SASH1: variants seen among roughly 807,000 people sequenced by gnomAD.
SASH1 encodes SAM and SH3 domain containing 1, also known as SAM and SH3 domain-containing protein 1.
Under a neutral mutation model 125.2 loss-of-function variants are expected in SASH1, and 44 were observed. That is an observed-to-expected ratio of 0.35 (90% confidence interval 0.28 to 0.45). The LOEUF (loss-of-function observed/expected upper bound fraction) is 0.45. SASH1 is among the 20% of genes least tolerant of loss of function. SASH1 has a pLI of 1.00. For synonymous variants in SASH1, 639 were observed against 649.1 expected, an observed-to-expected ratio of 0.98 and a Z score of 0.24; for missense variants, 1,426 against 1,614.5, an observed-to-expected ratio of 0.88 and a Z score of 2.00.
At position 148,543,685 on chromosome 6, in the gene SASH1, A is replaced by G; in HGVS notation, c.2215A>G (p.Thr739Ala). 1 of 1,529,668 alleles carries G rather than the reference A, an allele frequency of 6.5e-7. No homozygotes were observed. Among genetic ancestry groups the G allele is most frequent in the Non-Finnish European group, 8.8e-7 (1 of 1,139,652 alleles). 94.8% of individuals were successfully genotyped at this position (1,529,668 alleles called of 1,614,324 possible). The change falls in exon 18 of 20, where the codon ACT becomes GCT. Residue 739 changes from threonine (T) to alanine (A), a missense_variant. Physicochemically the swap from Thr to Ala is moderately conservative, Grantham distance 58. Coordinates refer to ENST00000367467, the MANE Select transcript of SASH1 (RefSeq NM_015278.5). ...ESSENLENGK[T>A]RKASLLSAKS... ...AATATTCCCTTGTCTCACAGGCAAG[A>G]CTCGGAAAGCTAGCCTCCTATCTGC... is the stretch of plus-strand genomic sequence containing the variant.
intron 1 of SASH1, among the ~76,000 whole-genome samples, chr6:148,351,437 T>G (rs887620388): frequency 1.3e-5 from 2 of 152,124 alleles, no homozygotes; most frequent in Non-Finnish European, 2.9e-5. Flanking sequence ...ATTCACTATT[T>G]GCTAGATTCC....
intron 1 of SASH1, among the ~76,000 whole-genome samples, chr6:148,297,345 A>G (rs1028848057): frequency 1.3e-5 from 2 of 152,238 alleles, no homozygotes; most frequent in Admixed American, 6.5e-5. Flanking sequence ...GTATAAAGAC[A>G]GTGACAGGTT....
chr6:148,447,645 C>T (rs1168132791), intron 4 of SASH1, among the ~76,000 whole-genome samples: 1 of 151,656 alleles, frequency 6.6e-6, no homozygotes, highest in Non-Finnish European at 1.5e-5. Context: ...TCCTCCTCCT[C>T]CTTTTCCTCC....
intron 16 of SASH1, among the ~76,000 whole-genome samples, chr6:148,537,795 T>C (rs1781945046): frequency 1.8e-5 from 2 of 109,578 alleles, no homozygotes; most frequent in Admixed American, 1.8e-4. Context: ...TGTGTGTGTG[T>C]GTGTGTGTGT....
At chr6:148,214,829 T>TGTATAGCA in the SASH1 span, among the ~76,000 whole-genome samples, 1 of 152,200 alleles carries the variant, frequency 6.6e-6, no homozygotes, top group Non-Finnish European at 1.5e-5. Flanking sequence ...TTTTTTATAC[T>TGTATAGCA]GTATAGCAGT....
intron 1 of SASH1, among the ~76,000 whole-genome samples, chr6:148,387,049 C>G (rs1783397433): frequency 6.6e-6 from 1 of 151,578 alleles, no homozygotes. Flanking sequence ...CTTGCTTTCT[C>G]CCTCTCTTTC....
At chr6:148,352,307 G>A (rs1781756771) in intron 1 of SASH1, among the ~76,000 whole-genome samples, 1 of 152,116 alleles carries the variant, frequency 6.6e-6, no homozygotes, top group African/African-American at 2.4e-5. Flanking sequence ...TTTAAATAAT[G>A]AGAACAAAGG....
intron 4 of SASH1, among the ~76,000 whole-genome samples, chr6:148,463,247 T>C (rs2328900): frequency 0.85 from 128,989 of 151,664 alleles, 55,180 homozygotes; most frequent in African/African-American, 0.95. Flanking sequence ...TGGGTTCAAG[T>C]GATTCTCCTG....
the SASH1 span, among the ~76,000 whole-genome samples, chr6:148,263,112 C>T: frequency 6.6e-6 from 1 of 152,178 alleles, no homozygotes; most frequent in African/African-American, 2.4e-5. Flanking sequence ...AGGCAGACTC[C>T]TTGGCAGGAT....
rs184396071 is a variant in SASH1 at position 148,362,033 on chromosome 6, C to A, written c.156+18810C>A. ...GGTTCATGCCATTCTCCTGCCTCAG[C>A]CTCCCGAGTAGCTGGGACTACAGAC... On this transcript the variant is annotated intron_variant, in intron 1 of 19. Coordinates refer to ENST00000367467, the MANE Select transcript of SASH1 (RefSeq NM_015278.5). Among the ~76,000 whole-genome samples, 68 of 150,080 alleles carry A rather than the reference C, an allele frequency of 4.5e-4. No individual in the cohort carries two copies. The East Asian group carries it at 0.011, about 25-fold the overall frequency.
At chr6:148,199,992 C>T in the SASH1 span, among the ~76,000 whole-genome samples, 1 of 152,016 alleles carries the variant, frequency 6.6e-6, no homozygotes, top group African/African-American at 2.4e-5. Context: ...CTGAGAAAAC[C>T]CGGAATAGTA....
chr6:148,471,013 A>C (rs1778081051), intron 5 of SASH1, among the ~76,000 whole-genome samples: 1 of 152,180 alleles, frequency 6.6e-6, no homozygotes, highest in African/African-American at 2.4e-5. Flanking sequence ...AACAAAACCA[A>C]GTGAACTTCT....
At chr6:148,480,089 A>G in intron 7 of SASH1, 1 of 152,352 alleles carries the variant, frequency 6.6e-6, no homozygotes, top group Non-Finnish European at 1.5e-5. Flanking sequence ...GCAATTTAGG[A>G]GGCCGAGGCA....
intron 1 of SASH1, among the ~76,000 whole-genome samples, chr6:148,348,462 C>T (rs1246417650): frequency 2.0e-5 from 3 of 152,210 alleles, no homozygotes; most frequent in African/African-American, 7.2e-5. Flanking sequence ...CCTCTGCCAC[C>T]TGGCTTCTTA....
At chr6:148,207,368 C>T in the SASH1 span, among the ~76,000 whole-genome samples, 1 of 152,068 alleles carries the variant, frequency 6.6e-6, no homozygotes, top group South Asian at 2.1e-4. Flanking sequence ...TAGTGGCTAC[C>T]ACACTGAACG....
intron 7 of SASH1, among the ~76,000 whole-genome samples, chr6:148,480,987 T>C (rs1030743156): frequency 2.2e-5 from 3 of 134,124 alleles, no homozygotes; most frequent in African/African-American, 5.1e-5. Flanking sequence ...AATTAACACA[T>C]ATGCTTTAAG....
chr6:148,504,621 G>A (rs1562464180), intron 8 of SASH1, among the ~76,000 whole-genome samples: 1 of 152,140 alleles, frequency 6.6e-6, no homozygotes, highest in South Asian at 2.1e-4. Context: ...ATATCCCCCA[G>A]TTTACTCTGA....
chr6:148,265,506 C>T, the SASH1 span, among the ~76,000 whole-genome samples: 1 of 152,174 alleles, frequency 6.6e-6, no homozygotes, highest in Admixed American at 6.5e-5. Flanking sequence ...AAGGTGCTCC[C>T]CATGCCTCTT....
At chr6:148,416,291 A>G (rs773630620) in intron 2 of SASH1, among the ~76,000 whole-genome samples, 1 of 151,344 alleles carries the variant, frequency 6.6e-6, no homozygotes, top group Non-Finnish European at 1.5e-5. Context: ...ATGGATTGCA[A>G]CAAGGTTGTT....
Sources: gnomAD v4.1 joint callset for allele counts (sites outside exome capture counted in the v4.1 genomes callset) on GRCh38, gnomAD v4.1.1 for gene constraint, MANE v1.5 for transcripts, NCBI Gene and HGNC (gene_info 2026-07-23, HGNC 2026-07-21) for gene names.